Variants in KCNAB1 observed in about 807,000 individuals in gnomAD.
The protein encoded by KCNAB1 is potassium voltage-gated channel subfamily A regulatory beta subunit 1, also known as voltage-gated potassium channel subunit beta-1.
In KCNAB1, 35 loss-of-function variants were observed where a neutral mutation model predicts 64.6. The ratio of observed to expected loss-of-function variants is 0.54; its 90% CI spans 0.41 to 0.72. KCNAB1 has a LOEUF of 0.72. Among genes scored for constraint, KCNAB1 ranks in the 30% least tolerant of loss-of-function variants. KCNAB1 has a pLI of 0.00. For synonymous variants in KCNAB1, 177 were observed against 183.8 expected (o/e 0.96, Z 0.30); for missense variants, 401 against 512.9 (o/e 0.78, Z 2.11).
At chr3:156,264,989 T>C (rs1274014889) in intron 1 of KCNAB1, among the ~76,000 whole-genome samples, 1 of 152,194 alleles carries the variant, frequency 6.6e-6, no homozygotes. Context: ...CACTCAATTC[T>C]TTTGAATTTT....
At chr3:156,521,661 C>A (rs1717946599) in intron 11 of KCNAB1, among the ~76,000 whole-genome samples, 2 of 152,196 alleles carry the variant, frequency 1.3e-5, no homozygotes, top group Admixed American at 1.3e-4. Context: ...CTGCCACAAC[C>A]ACACCCACCT....
At chr3:156,361,373 C>G (rs1725601519) in intron 1 of KCNAB1, among the ~76,000 whole-genome samples, 2 of 152,176 alleles carry the variant, frequency 1.3e-5, no homozygotes, top group Admixed American at 6.5e-5. Context: ...CATGGCCACC[C>G]CATTCCTACT....
At chr3:156,228,486 A>G (rs560455499) in intron 1 of KCNAB1, among the ~76,000 whole-genome samples, 1 of 152,316 alleles carries the variant, frequency 6.6e-6, no homozygotes, top group Non-Finnish European at 1.5e-5. Context: ...AAGCCTGGTC[A>G]GCCTTCACAC....
intron 1 of KCNAB1, among the ~76,000 whole-genome samples, chr3:156,413,213 C>T (rs756676531): frequency 2.1e-4 from 32 of 152,156 alleles, no homozygotes; most frequent in Non-Finnish European, 4.3e-4. Context: ...TAAGCAGGTT[C>T]ACGAGCTCCA....
chr3:156,292,799 TC>T (rs1720528276), intron 1 of KCNAB1, among the ~76,000 whole-genome samples: 1 of 152,228 alleles, frequency 6.6e-6, no homozygotes, highest in South Asian at 2.1e-4. Context: ...GGCCTTGGCC[TC>T]CCAAAGTGCT....
intron 1 of KCNAB1, among the ~76,000 whole-genome samples, chr3:156,340,441 T>C (rs1459263705): frequency 1.3e-5 from 2 of 152,212 alleles, no homozygotes; most frequent in African/African-American, 4.8e-5. Flanking sequence ...TTCTTGAGCA[T>C]GCCAGGTGCA....
intron 12 of KCNAB1, among the ~76,000 whole-genome samples, chr3:156,529,862 G>A (rs182988893): frequency 1.0e-3 from 153 of 152,324 alleles, no homozygotes; most frequent in Middle Eastern, 3.4e-3. Flanking sequence ...GAAGTTTGCG[G>A]TGCTGGTGGG....
chr3:156,511,031 C>T (rs544676536), intron 8 of KCNAB1, among the ~76,000 whole-genome samples: 15 of 152,296 alleles, frequency 9.8e-5, no homozygotes, highest in Admixed American at 8.5e-4. Flanking sequence ...TGTATATACA[C>T]CTCTGGCCCA....
chr3:156,498,552 T>C (rs550705832), intron 8 of KCNAB1, among the ~76,000 whole-genome samples: 1 of 152,336 alleles, frequency 6.6e-6, no homozygotes, highest in African/African-American at 2.4e-5. Context: ...TCCCCAGCCA[T>C]ATGGAACTGT....
intron 1 of KCNAB1, among the ~76,000 whole-genome samples, chr3:156,212,103 T>A (rs185261991): frequency 2.6e-5 from 4 of 152,260 alleles, no homozygotes; most frequent in Admixed American, 1.3e-4. Context: ...GTTAGTTCAG[T>A]GAATCAAGCA....
chr3:156,284,083 C>T (rs1200789768), intron 1 of KCNAB1, among the ~76,000 whole-genome samples: 1 of 152,080 alleles, frequency 6.6e-6, no homozygotes, highest in Non-Finnish European at 1.5e-5. Context: ...TGTTTTTTCC[C>T]CATCTTTGTG....
chr3:156,368,319 C>T (rs1163829541), intron 1 of KCNAB1, among the ~76,000 whole-genome samples: 2 of 152,312 alleles, frequency 1.3e-5, no homozygotes, highest in Non-Finnish European at 2.9e-5. Flanking sequence ...CCCAAAATCT[C>T]AACGAATGCA....
chr3:156,134,800 T>C (rs1386335504), intron 1 of KCNAB1, among the ~76,000 whole-genome samples: 1 of 152,112 alleles, frequency 6.6e-6, no homozygotes, highest in African/African-American at 2.4e-5. Flanking sequence ...ACAAATAGAG[T>C]AAACAAAGTG....
intron 1 of KCNAB1, among the ~76,000 whole-genome samples, chr3:156,380,750 A>T (rs9846546): frequency 1.3e-5 from 2 of 151,982 alleles, no homozygotes; most frequent in African/African-American, 4.8e-5. Context: ...CCTCCCTGAA[A>T]CGTATTAAAC....
intron 1 of KCNAB1, among the ~76,000 whole-genome samples, chr3:156,190,884 G>A (rs1338052986): frequency 6.6e-6 from 1 of 152,214 alleles, no homozygotes; most frequent in South Asian, 2.1e-4. Flanking sequence ...GTAGAGACAG[G>A]GTTTAGCCAC....
intron 1 of KCNAB1, among the ~76,000 whole-genome samples, chr3:156,297,349 A>T (rs1576691518): frequency 6.7e-6 from 1 of 149,242 alleles, no homozygotes; most frequent in East Asian, 2.0e-4. Context: ...AGAGATTGGA[A>T]TATGGCTCCA....
At chr3:156,220,628 A>G (rs1317023595) in intron 1 of KCNAB1, among the ~76,000 whole-genome samples, 2 of 152,116 alleles carry the variant, frequency 1.3e-5, no homozygotes, top group East Asian at 1.9e-4. Context: ...TCTTTGTCAG[A>G]TGGGTATATT....
chr3:156,518,083 T>G (rs1717675929), intron 11 of KCNAB1, among the ~76,000 whole-genome samples: 1 of 152,164 alleles, frequency 6.6e-6, no homozygotes, highest in Non-Finnish European at 1.5e-5. Flanking sequence ...GAAAAATCTT[T>G]CACAAATTCA....
rs397991453 is a variant in KCNAB1, at chr3:156,312,703, C to CAAAAAAAAAAAAAAAAAAA, written c.276-108903_276-108885dup. ...CTAGGTGACAGAGTGAGACTGTCTCCAAAAAAAAAAAAAAAAAAAAAAAAA... is the reference window on the plus strand; with the variant it reads ...CTAGGTGACAGAGTGAGACTGTCTCCAAAAAAAAAAAAAAAAAAAAAAAAAAAAAAAAAAAAAAAAAAAA... On this transcript the variant is annotated intron_variant, in intron 1 of 13. Coordinates refer to ENST00000490337, the MANE Select transcript of KCNAB1 (RefSeq NM_172160.3). Among the ~76,000 whole-genome samples, 9 of 27,424 alleles carry CAAAAAAAAAAAAAAAAAAA rather than the reference C, an allele frequency of 3.3e-4. 1 individual carries two copies. The highest frequency in any genetic ancestry group is 5.0e-4 in the Non-Finnish European group (7 of 14,078). 18.0% of individuals were successfully genotyped at this position (27,424 alleles called of 152,430 possible). A position where few individuals can be genotyped will look rare whatever the true frequency, so the allele number is the denominator to read the frequency against.
Sources: allele counts gnomAD v4.1 joint callset (sites outside exome capture counted in the v4.1 genomes callset), GRCh38; gene constraint gnomAD v4.1.1; transcripts MANE v1.5; gene names NCBI Gene and HGNC (gene_info 2026-07-23, HGNC 2026-07-21).